The following GP5 variants were observed in gnomAD, a reference collection of about 807,000 sequenced individuals.
GP5 encodes the protein platelet glycoprotein V.
For synonymous variants in GP5, 382 were observed against 353.9 expected, an observed-to-expected ratio of 1.08 and a Z score of -0.89; for missense variants, 755 against 737.1, an observed-to-expected ratio of 1.02 and a Z score of -0.28.
Position 194,397,877 on chromosome 3 carries a change from C to G in GP5, c.406G>C (p.Gly136Arg). 6.2e-7 allele frequency: 1 copy of G among 1,613,840 alleles called. No individual in the cohort carries two copies. ...TTCTGAAACATGTTTTGGTCAATGC[C>G]CCTTAGCGCATTGTGGTCCAAAAAC... ...QLFLDHNALR[G>R]IDQNMFQKLV... The change falls in exon 2 of 2, where the codon GGC (glycine) becomes CGC (arginine). Residue 136 changes from glycine (G) to arginine (R), a missense_variant. Transcript: ENST00000692618. This position sits in a 1 kb window ranked among gnomAD's most constrained non-coding sequence, Gnocchi z 7.2.
In GP5 at chr3:194,398,269, G is replaced by A; in HGVS notation, c.14C>T (p.Thr5Ile). The A allele has an allele frequency of 6.2e-7, 1 of 1,603,108 alleles. No homozygotes were observed. The highest frequency in any genetic ancestry group is 8.5e-7 in the Non-Finnish European group (1 of 1,174,112). ...AAGCCCGAGCACCGCGCACAGTAGA[G>A]TCCCCCTCAGCATGTCTGAAAAAGC... MLRG[T>I]LLCAVLGLLR... Residue 5 changes from threonine to isoleucine, a missense_variant, in exon 2 of 2, where the codon ACT becomes ATT. Coordinates refer to ENST00000692618, the MANE Select transcript of GP5 (RefSeq NM_004488.2).
chr3:194,398,195 G>A lies in GP5; in HGVS notation c.88C>T (p.Arg30Trp), dbSNP rs1288489090. 1.2e-6 allele frequency: 2 copies of A among 1,612,624 alleles called. No individual in the cohort carries two copies. The highest frequency in any genetic ancestry group is 1.7e-6 in the Non-Finnish European group (2 of 1,179,708). ...PCPPACKCVFRDAAQCSGGDV... is the reference protein window; with the variant it reads ...PCPPACKCVFWDAAQCSGGDV... Reference sequence around the variant, plus strand: ...CCCCCCGAGCACTGCGCGGCGTCCCGGAAGACACACTTGCAAGCTGGCGGA... The same window carrying A: ...CCCCCCGAGCACTGCGCGGCGTCCCAGAAGACACACTTGCAAGCTGGCGGA... The change falls in exon 2 of 2, where the codon CGG becomes TGG. Residue 30 changes from arginine (R) to tryptophan (W), a missense_variant. Physicochemically the swap from Arg to Trp is moderately radical, Grantham distance 101 (BLOSUM62 -3). Transcript: ENST00000692618.
In GP5 at chr3:194,396,496, G is replaced by C; in HGVS notation, c.*104C>G. On this transcript the variant is annotated 3_prime_UTR_variant, in exon 2 of 2. Coordinates refer to ENST00000692618, the MANE Select transcript of GP5 (RefSeq NM_004488.2). ...AGTGAGAGAGAAGAGGAAGAAGAGA[G>C]GAGGAGTGGGGAGGGGAGGGAGAGC... The C allele has an allele frequency of 1.2e-6, 1 of 823,280 alleles. No individual in the cohort carries two copies. Among genetic ancestry groups the C allele is most frequent in the Non-Finnish European group, 1.9e-6 (1 of 516,942 alleles). The allele number at this position is 823,280 out of a possible 1,614,324, so 51.0% of individuals were successfully genotyped here. A position where few individuals can be genotyped will look rare whatever the true frequency, so the allele number is the denominator to read the frequency against.
In GP5 at chr3:194,397,632, C is replaced by G; in HGVS notation, c.651G>C (p.Leu217=). ...VSLDSGLLNS[L]GALTELQFHR... ...GGAACTGCAGCTCCGTCAGGGCGCC[C>G]AGGCTGTTCAACAGCCCCGAATCCA... Residue 217 remains leucine, a synonymous_variant, in exon 2 of 2, where the codon CTG becomes CTC. Transcript: ENST00000692618. This position sits in a 1 kb window ranked among gnomAD's most constrained non-coding sequence, Gnocchi z 7.2. 1.2e-6 allele frequency: 2 copies of G among 1,614,060 alleles called. No homozygotes were observed. The highest frequency in any genetic ancestry group is 1.7e-6 in the Non-Finnish European group (2 of 1,179,938).
chr3:194,397,328 A>G lies in GP5; in HGVS notation c.955T>C (p.Leu319=), dbSNP rs1176850809. The G allele has an allele frequency of 1.3e-6, 2 of 1,597,146 alleles. No individual in the cohort carries two copies. The highest frequency in any genetic ancestry group is 1.7e-5 in the Admixed American group (1 of 59,570). The change falls in exon 2 of 2, where the codon TTA becomes CTA. Residue 319 remains leucine, a synonymous_variant. Transcript: ENST00000692618. The surrounding 1 kb of genome is among the most constrained non-coding windows in gnomAD (Gnocchi z 7.2). ...AFRNLSRLRY[L]GVTLSPRLSA... ...AGCCGCGGGCTCAGAGTCACCCCTA[A>G]GTACCGCAGGCGGCTCAGGTTGCGG...
chr3:194,398,421 A>C (rs1304075688), intron 1 of GP5, 137 bp from the exon 2 acceptor site: 1 of 816,376 alleles, frequency 1.2e-6, no homozygotes, highest in Non-Finnish European at 1.9e-6. Flanking sequence ...AGGACTACAG[A>C]TTTCCCTACG....
rs747897878 is a variant in GP5, at chr3:194,396,730, T to G, written c.1553A>C (p.His518Pro). ...AAAATAAAACCCCCAGAACGGACTA[T>G]GATCTTGACCTTTGCCCGTGGTCAC... ...QPVTTGKGQD[H>P]SPFWGFYFLL... The change falls in exon 2 of 2, where the codon CAT (histidine) becomes CCT (proline). Residue 518 changes from histidine (H) to proline (P), a missense_variant. Physicochemically the swap from His to Pro is moderately conservative, Grantham distance 77. Coordinates refer to ENST00000692618, the MANE Select transcript of GP5 (RefSeq NM_004488.2). 2 of 1,614,168 alleles carry G rather than the reference T, an allele frequency of 1.2e-6. No homozygotes were observed. Among genetic ancestry groups the G allele is most frequent in the South Asian group, 1.1e-5 (1 of 91,088 alleles).
Position 194,397,318 on chromosome 3 carries a change from G to A in GP5, c.965C>T (p.Thr322Ile). 6.3e-7 allele frequency: 1 copy of A among 1,591,688 alleles called. No homozygotes were observed. The highest frequency in any genetic ancestry group is 8.5e-7 in the Non-Finnish European group (1 of 1,175,048). Residue 322 changes from threonine to isoleucine, a missense_variant, in exon 2 of 2, where the codon ACT (threonine) becomes ATT (isoleucine). Thr to Ile is a moderately conservative substitution (Grantham distance 89). Coordinates refer to ENST00000692618, the MANE Select transcript of GP5 (RefSeq NM_004488.2). The surrounding 1 kb of genome is among the most constrained non-coding windows in gnomAD (Gnocchi z 7.2). ...NLSRLRYLGV[T>I]LSPRLSALPQ... Reference sequence around the variant, plus strand: ...AAGCGCGCTCAGCCGCGGGCTCAGAGTCACCCCTAAGTACCGCAGGCGGCT... The same window carrying A: ...AAGCGCGCTCAGCCGCGGGCTCAGAATCACCCCTAAGTACCGCAGGCGGCT...
In GP5 at chr3:194,396,460, GA is replaced by G; in HGVS notation, c.*139del. 1 of 655,480 alleles carries G rather than the reference GA, an allele frequency of 1.5e-6. No homozygotes were observed. Among genetic ancestry groups the G allele is most frequent in the African/African-American group, 1.8e-5 (1 of 55,096 alleles). The allele number at this position is 655,480 out of a possible 1,614,324, so 40.6% of individuals were successfully genotyped here. On this transcript the variant is annotated 3_prime_UTR_variant, in exon 2 of 2. Transcript: ENST00000692618. ...CGGAGAGGGGGAGGAGGAGGGAAAG[GA>G]AGGCGTGGCAGTGAGAGAGAAGAGG...
In GP5 at chr3:194,398,070, G is replaced by A. The variant is rs369205730; in HGVS notation, c.213C>T (p.Ser71=). The A allele has an allele frequency of 1.2e-6, 2 of 1,613,824 alleles. No individual in the cohort carries two copies. The highest frequency in any genetic ancestry group is 2.2e-5 in the East Asian group (1 of 44,884). ...TGAGGCGCTGCAGGACGGTCATGCC[G>A]CTGAAGCTCTGGCTCTGCAGGACGC... ...GRGVLQSQSF[S]GMTVLQRLMI... is the part of the protein sequence containing the mutation. Residue 71 remains serine (S), a synonymous_variant, in exon 2 of 2, where the codon AGC becomes AGT. Coordinates refer to ENST00000692618, the MANE Select transcript of GP5 (RefSeq NM_004488.2).
At position 194,397,989 on chromosome 3, in the gene GP5, T is replaced by C. The variant is rs540642755; in HGVS notation, c.294A>G (p.Ile98Met). 3 of 1,614,006 alleles carry C rather than the reference T, an allele frequency of 1.9e-6. No homozygotes were observed. Among genetic ancestry groups the C allele is most frequent in the Non-Finnish European group, 2.5e-6 (3 of 1,179,952 alleles). ...GCGACAGCCTCAGGGTTTTCAGTTT[T>C]ATCAGGTCACTGAAGGTGCCGGGGG... ...AVAPGTFSDL[I>M]KLKTLRLSRN... Residue 98 changes from isoleucine to methionine, a missense_variant, in exon 2 of 2, where the codon ATA becomes ATG. Physicochemically the swap from Ile to Met is conservative, Grantham distance 10. Transcript: ENST00000692618. The surrounding 1 kb of genome is among the most constrained non-coding windows in gnomAD (Gnocchi z 7.2).
Position 194,396,933 on chromosome 3 carries a change from C to T in GP5, c.1350G>A (p.Arg450=). The T allele has an allele frequency of 6.5e-7, 1 of 1,534,556 alleles. No individual in the cohort carries two copies. Among genetic ancestry groups the T allele is most frequent in the Non-Finnish European group, 8.8e-7 (1 of 1,142,630 alleles). Residue 450 remains arginine (R), a synonymous_variant, in exon 2 of 2, where the codon CGG becomes CGA. Transcript: ENST00000692618. ...CGGCGTGCGCCCCAGGGCCTGCGCA[C>T]CGTGGGGGCTCTTCCCCGCCCACGA... ...LGLVGGEEPP[R]CAGPGAHAGL...
chr3:194,396,598 G>C lies in GP5; in HGVS notation c.*2C>G. ...AAGTAATTAGAAGATTTTCCCATTG[G>C]TTTACCCAAGGGCTCTCTCTCTGAT... On this transcript the variant is annotated 3_prime_UTR_variant, in exon 2 of 2. Coordinates refer to ENST00000692618, the MANE Select transcript of GP5 (RefSeq NM_004488.2). 1 of 1,601,974 alleles carries C rather than the reference G, an allele frequency of 6.2e-7. No homozygotes were observed.
In GP5 at chr3:194,396,852, G is replaced by C. The variant is rs768824700; in HGVS notation, c.1431C>G (p.Gly477=). ...TGTCCGCAGCGGGGCGGGGAGGCGG[G>C]CCCCGGGGGCCCGGGCACTCCGCGT... ...GGDAECPGPR[G]PPPRPAADSS... Residue 477 remains glycine, a synonymous_variant, in exon 2 of 2, where the codon GGC becomes GGG. Coordinates refer to ENST00000692618, the MANE Select transcript of GP5 (RefSeq NM_004488.2). 28 of 1,551,322 alleles carry C rather than the reference G, an allele frequency of 1.8e-5. No individual in the cohort carries two copies. The highest frequency in any genetic ancestry group is 3.6e-4 in the Middle Eastern group (2 of 5,560).
At position 194,398,159 on chromosome 3, in the gene GP5, G is replaced by T. The variant is rs556746198; in HGVS notation, c.124C>A (p.Arg42Ser). The change falls in exon 2 of 2, where the codon CGC becomes AGC. Residue 42 changes from arginine (R) to serine (S), a missense_variant. Physicochemically the swap from Arg to Ser is moderately radical, Grantham distance 110 (BLOSUM62 -1). Coordinates refer to ENST00000692618, the MANE Select transcript of GP5 (RefSeq NM_004488.2). ...AAQCSGGDVARISALGLPTNL... is the reference protein window; with the variant it reads ...AAQCSGGDVASISALGLPTNL... ...GTGGGCAGGCCTAGCGCGGAGATGCGCGCCACGTCGCCCCCCGAGCACTGC... is the reference window on the plus strand; with the variant it reads ...GTGGGCAGGCCTAGCGCGGAGATGCTCGCCACGTCGCCCCCCGAGCACTGC... 1 of 1,612,864 alleles carries T rather than the reference G, an allele frequency of 6.2e-7. No homozygotes were observed.
chr3:194,399,068 C>T (rs1039117359), intron 1 of GP5, among the ~76,000 whole-genome samples, 170 bp downstream of exon 1: 24 of 152,130 alleles, frequency 1.6e-4, no homozygotes, highest in Non-Finnish European at 3.2e-4. Flanking sequence ...GTAATACTCA[C>T]GGCACTGAAT....
rs34799505 is a variant in GP5, at chr3:194,398,012, G to C, written c.271C>G (p.Pro91Ala). Residue 91 changes from proline to alanine, a missense_variant, in exon 2 of 2, where the codon CCC (proline) becomes GCC (alanine). By Grantham distance (27) the Pro-to-Ala change is conservative. Coordinates refer to ENST00000692618, the MANE Select transcript of GP5 (RefSeq NM_004488.2). ...ISDSHISAVA[P>A]GTFSDLIKLK... Reference sequence around the variant, plus strand: ...TTTATCAGGTCACTGAAGGTGCCGGGGGCAACGGCGGAAATGTGGCTGTCG... The same window carrying C: ...TTTATCAGGTCACTGAAGGTGCCGGCGGCAACGGCGGAAATGTGGCTGTCG... The C allele has an allele frequency of 5.8e-4, 943 of 1,614,110 alleles. 6 individuals are homozygous for C. In the African/African-American group the frequency reaches 0.011, roughly 19 times the overall value.
rs781530104 is a variant in GP5 at position 194,397,132 on chromosome 3, C to A, written c.1151G>T (p.Arg384Leu). ...GACGCTCTCCAGGCTGCTGAGATTGCGGAAGAGGGCACGGGGCAGGGCGCG... is the reference window on the plus strand; with the variant it reads ...GACGCTCTCCAGGCTGCTGAGATTGAGGAAGAGGGCACGGGGCAGGGCGCG... ...RLRALPRALF[R>L]NLSSLESVQL... is the part of the protein sequence containing the mutation. Residue 384 changes from arginine to leucine, a missense_variant, in exon 2 of 2, where the codon CGC becomes CTC. By Grantham distance (102) the Arg-to-Leu change is moderately radical. Transcript: ENST00000692618. This position sits in a 1 kb window ranked among gnomAD's most constrained non-coding sequence, Gnocchi z 7.2. The A allele has an allele frequency of 2.3e-5, 37 of 1,588,444 alleles. No homozygotes were observed. The highest frequency in any genetic ancestry group is 3.3e-4 in the Middle Eastern group (2 of 6,060).
chr3:194,397,411 C>G lies in GP5; in HGVS notation c.872G>C (p.Gly291Ala), dbSNP rs199936836. Residue 291 changes from glycine to alanine, a missense_variant, in exon 2 of 2, where the codon GGC becomes GCC. Coordinates refer to ENST00000692618, the MANE Select transcript of GP5 (RefSeq NM_004488.2). This position sits in a 1 kb window ranked among gnomAD's most constrained non-coding sequence, Gnocchi z 7.2. ...GCGGTTCAGCCACAGCTCCTGCAGG[C>G]CCCCCATCTCCCCGAAGAGCACCCC... ...LPGVLFGEMG[G>A]LQELWLNRTQ... The G allele has an allele frequency of 3.7e-6, 6 of 1,612,218 alleles. No individual in the cohort carries two copies. The highest frequency in any genetic ancestry group is 4.2e-6 in the Non-Finnish European group (5 of 1,179,588).
Sources: allele counts gnomAD v4.1 joint callset (sites outside exome capture counted in the v4.1 genomes callset), GRCh38; gene constraint gnomAD v4.1.1; non-coding constraint Gnocchi (gnomAD v3.1); transcripts MANE v1.5; gene names NCBI Gene and HGNC (gene_info 2026-07-23, HGNC 2026-07-21).